Variants in CALD1 observed in about 807,000 individuals in gnomAD.
CALD1 encodes the protein caldesmon 1.
In CALD1, 33 loss-of-function variants were observed where a neutral mutation model predicts 99.9. That is an observed-to-expected ratio of 0.33 (90% CI 0.25 to 0.44). The LOEUF (loss-of-function observed/expected upper bound fraction) is 0.44. CALD1 is among the 20% of genes least tolerant of loss of function. CALD1 has a pLI of 1.00. For missense variants in CALD1, 861 were observed against 962.1 expected (o/e 0.89, Z 1.39); for synonymous variants, 310 against 325.0 (o/e 0.95, Z 0.50).
intron 3 of CALD1, among the ~76,000 whole-genome samples, chr7:134,871,496 T>A (rs1005484722): frequency 6.6e-6 from 1 of 152,200 alleles, no homozygotes; most frequent in African/African-American, 2.4e-5. Flanking sequence ...AGAGTAACAG[T>A]GTTGGGAAGT....
At chr7:134,797,275 G>T (rs1233739412) in intron 1 of CALD1, among the ~76,000 whole-genome samples, 1 of 152,176 alleles carries the variant, frequency 6.6e-6, no homozygotes, top group Non-Finnish European at 1.5e-5. Context: ...CTGAGCCACT[G>T]CACCCGACCC....
At chr7:134,946,847 A>AT (rs543778930) in intron 7 of CALD1, among the ~76,000 whole-genome samples, 2,396 of 143,912 alleles carry the variant, frequency 0.017, 40 homozygotes, top group East Asian at 0.055. Context: ...CGCCCGGCTA[A>AT]TTTTTTTTTT....
chr7:134,904,426 A>C (rs1015782446), intron 3 of CALD1, among the ~76,000 whole-genome samples: 70 of 151,682 alleles, frequency 4.6e-4, no homozygotes, highest in South Asian at 1.3e-3. Flanking sequence ...ACGAAAACTA[A>C]AAAAATTAGC....
chr7:134,812,302 A>G (rs75338080), intron 1 of CALD1, among the ~76,000 whole-genome samples: 1 of 108,402 alleles, frequency 9.2e-6, no homozygotes, highest in African/African-American at 3.1e-5. Context: ...GAAAGTTATT[A>G]TTTTCTATAA....
chr7:134,811,422 G>A (rs960775107), intron 1 of CALD1, among the ~76,000 whole-genome samples: 4 of 152,174 alleles, frequency 2.6e-5, no homozygotes, highest in African/African-American at 7.2e-5. Flanking sequence ...AGGATACTCC[G>A]AAATTATCCC....
chr7:134,826,743 A>T (rs1363067049), intron 1 of CALD1, among the ~76,000 whole-genome samples: 1 of 152,176 alleles, frequency 6.6e-6, no homozygotes, highest in Non-Finnish European at 1.5e-5. Flanking sequence ...CAAATAAAAT[A>T]ATTGGGGCCT....
At chr7:134,821,438 C>T (rs944204925) in intron 1 of CALD1, among the ~76,000 whole-genome samples, 2 of 151,996 alleles carry the variant, frequency 1.3e-5, no homozygotes, top group Non-Finnish European at 2.9e-5. Flanking sequence ...CTATTTCTAC[C>T]TATCCATCTA....
At chr7:134,824,680 A>G (rs776792632) in intron 1 of CALD1, among the ~76,000 whole-genome samples, 3 of 152,214 alleles carry the variant, frequency 2.0e-5, no homozygotes, top group Non-Finnish European at 2.9e-5. Flanking sequence ...CATTAAATAG[A>G]TACTGTGGCA....
At chr7:134,898,837 G>A (rs1308755579) in intron 3 of CALD1, among the ~76,000 whole-genome samples, 1 of 152,224 alleles carries the variant, frequency 6.6e-6, no homozygotes, top group Non-Finnish European at 1.5e-5. Context: ...TTATAGGCGT[G>A]AGCCACTGCG....
rs1808849018 is a variant in CALD1, at chr7:134,968,627, C to A, written c.*282C>A. The A allele has an allele frequency of 1.5e-6, 1 of 649,026 alleles. No individual in the cohort carries two copies. Among genetic ancestry groups the A allele is most frequent in the South Asian group, 1.5e-5 (1 of 65,992 alleles). The allele number at this position is 649,026 out of a possible 1,614,324, so 40.2% of individuals were successfully genotyped here. Reference sequence around the variant, plus strand: ...TGATCATCATAACTCTGTATCTGAGCAGTGATACCAACCACATCTGAAGTC... The same window carrying A: ...TGATCATCATAACTCTGTATCTGAGAAGTGATACCAACCACATCTGAAGTC... On this transcript the variant is annotated 3_prime_UTR_variant, in exon 15 of 15. Coordinates refer to ENST00000361675, the MANE Select transcript of CALD1 (RefSeq NM_033138.4).
At chr7:134,765,669 G>T (rs531600638) in intron 1 of CALD1, among the ~76,000 whole-genome samples, 1 of 152,208 alleles carries the variant, frequency 6.6e-6, no homozygotes, top group Non-Finnish European at 1.5e-5. Flanking sequence ...GTAATCTGCA[G>T]TATTGGAGGT....
intron 4 of CALD1, 118 bp from the exon 5 acceptor site, chr7:134,932,870 T>G: frequency 1.6e-6 from 1 of 640,988 alleles, no homozygotes; most frequent in Non-Finnish European, 2.7e-6. Context: ...GTACTGGGGA[T>G]ATGGGCAAGC....
intron 1 of CALD1, among the ~76,000 whole-genome samples, chr7:134,795,653 C>G (rs748045364): frequency 1.3e-5 from 2 of 152,090 alleles, no homozygotes; most frequent in Non-Finnish European, 2.9e-5. Flanking sequence ...TCATTCTTCA[C>G]ATTCTTCCAG....
chr7:134,886,764 G>A (rs1054969061), intron 3 of CALD1, among the ~76,000 whole-genome samples: 8 of 152,154 alleles, frequency 5.3e-5, no homozygotes, highest in African/African-American at 1.9e-4. Context: ...TTAAACACTG[G>A]GACCTTGATC....
chr7:134,886,617 A>G (rs1013209394), intron 3 of CALD1, among the ~76,000 whole-genome samples: 1 of 152,230 alleles, frequency 6.6e-6, no homozygotes, highest in African/African-American at 2.4e-5. Context: ...GATGGAAAAT[A>G]GGCATTGGCG....
At chr7:134,734,719 C>A in the CALD1 span, among the ~76,000 whole-genome samples, 1 of 152,140 alleles carries the variant, frequency 6.6e-6, no homozygotes, top group Non-Finnish European at 1.5e-5. Flanking sequence ...AACTTTCTTG[C>A]CTGCTGCCAC....
intron 1 of CALD1, among the ~76,000 whole-genome samples, chr7:134,831,341 A>G (rs545937808): frequency 6.8e-4 from 104 of 151,952 alleles, no homozygotes; most frequent in African/African-American, 2.5e-3. Flanking sequence ...TTTTTTTGAG[A>G]CGGAGTCTTC....
intron 11 of CALD1, among the ~76,000 whole-genome samples, chr7:134,958,901 ATATATATATT>A: frequency 9.8e-6 from 1 of 102,090 alleles, no homozygotes; most frequent in Non-Finnish European, 2.1e-5. Flanking sequence ...ATATATATAT[ATATATATATT>A]TAACTATATA....
intron 1 of CALD1, among the ~76,000 whole-genome samples, chr7:134,766,129 CTCTTT>C (rs1342136661): frequency 4.1e-5 from 6 of 146,616 alleles, no homozygotes; most frequent in South Asian, 4.3e-4. Flanking sequence ...CCCCTTAAAC[CTCTTT>C]TCTTTTCTTT....
Sources: allele counts gnomAD v4.1 joint callset (sites outside exome capture counted in the v4.1 genomes callset), GRCh38; gene constraint gnomAD v4.1.1; transcripts MANE v1.5; gene names NCBI Gene and HGNC (gene_info 2026-07-23, HGNC 2026-07-21).